Variants in PID1 observed in about 807,000 individuals in gnomAD.
The protein encoded by PID1 is phosphotyrosine interaction domain containing 1.
In PID1, 10 loss-of-function variants were observed where a neutral mutation model predicts 19.1. The ratio of observed to expected loss-of-function variants is 0.52; its 90% CI spans 0.32 to 0.89. The LOEUF is 0.89. Ranked by LOEUF, PID1 falls within the 40% of genes least tolerant of loss-of-function variation. PID1 has a pLI of 0.03. For synonymous variants in PID1, 130 were observed against 116.0 expected (o/e 1.12, Z -0.78); for missense variants, 248 against 285.3 (o/e 0.87, Z 0.94).
intron 2 of PID1, among the ~76,000 whole-genome samples, chr2:229,100,478 C>T (rs1462412189): frequency 2.6e-5 from 4 of 152,100 alleles, no homozygotes; most frequent in Admixed American, 6.5e-5. Context: ...AAAAACTGGG[C>T]TTCTTACCTA....
intron 1 of PID1, among the ~76,000 whole-genome samples, chr2:229,235,660 G>A (rs776464582): frequency 5.9e-5 from 9 of 152,122 alleles, no homozygotes; most frequent in African/African-American, 1.2e-4. Context: ...AAGTATTATC[G>A]TTGTTCTTGA....
chr2:229,049,266 A>T (rs562515402), intron 2 of PID1, among the ~76,000 whole-genome samples: 29 of 152,218 alleles, frequency 1.9e-4, no homozygotes, highest in African/African-American at 7.0e-4. Flanking sequence ...TAGTAAGATT[A>T]TATTTTTTTC....
At chr2:229,247,484 T>C (rs145960185) in intron 1 of PID1, among the ~76,000 whole-genome samples, 99 of 152,330 alleles carry the variant, frequency 6.5e-4, no homozygotes, top group African/African-American at 2.3e-3. Flanking sequence ...GCTGTAGGAC[T>C]AGCGCAAGTG....
chr2:229,166,294 G>T (rs1457338706), intron 1 of PID1, among the ~76,000 whole-genome samples: 3 of 146,796 alleles, frequency 2.0e-5, no homozygotes, highest in East Asian at 4.4e-4. Flanking sequence ...ATCAGTTGTT[G>T]CCTGGGGATA....
At chr2:229,114,643 G>T (rs950741006) in intron 2 of PID1, among the ~76,000 whole-genome samples, 7 of 152,078 alleles carry the variant, frequency 4.6e-5, no homozygotes, top group Non-Finnish European at 1.0e-4. Context: ...CGCATTGACT[G>T]TGACTCAGTT....
At chr2:229,042,520 G>A (rs145923647) in intron 2 of PID1, among the ~76,000 whole-genome samples, 1,651 of 152,246 alleles carry the variant, frequency 0.011, 20 homozygotes, top group African/African-American at 0.037. Context: ...CTATTTTAGT[G>A]ACATGTGACA....
At chr2:229,126,424 A>G (rs577220251) in intron 2 of PID1, among the ~76,000 whole-genome samples, 1 of 145,346 alleles carries the variant, frequency 6.9e-6, no homozygotes, top group Admixed American at 6.9e-5. Flanking sequence ...ATGGTCTGGC[A>G]AAAAAAAAAA....
chr2:229,154,588 A>G (rs1482468841), intron 2 of PID1, among the ~76,000 whole-genome samples: 1 of 152,152 alleles, frequency 6.6e-6, no homozygotes, highest in African/African-American at 2.4e-5. Context: ...ATGAATGTGG[A>G]TGAGGTTTTG....
intron 1 of PID1, among the ~76,000 whole-genome samples, chr2:229,198,330 C>T (rs1691421607): frequency 6.6e-6 from 1 of 152,020 alleles, no homozygotes; most frequent in African/African-American, 2.4e-5. Flanking sequence ...CCCTCAGAAG[C>T]AGTTGATACG....
At chr2:229,172,579 T>C (rs981400447) in intron 1 of PID1, among the ~76,000 whole-genome samples, 2 of 152,124 alleles carry the variant, frequency 1.3e-5, no homozygotes, top group Non-Finnish European at 2.9e-5. Context: ...CTTAATTTCC[T>C]TTTTTCTAAG....
chr2:229,100,377 C>G (rs1397960087), intron 2 of PID1, among the ~76,000 whole-genome samples: 1 of 152,084 alleles, frequency 6.6e-6, no homozygotes, highest in Non-Finnish European at 1.5e-5. Flanking sequence ...TTCTTTTTAT[C>G]ACATCAAACA....
chr2:229,065,755 T>C (rs1694313300), intron 2 of PID1, among the ~76,000 whole-genome samples: 1 of 143,880 alleles, frequency 7.0e-6, no homozygotes, highest in Non-Finnish European at 1.5e-5. Context: ...CAGAGATTTA[T>C]GTAAGGCATG....
chr2:229,029,894 C>A (rs1386612128), intron 2 of PID1, among the ~76,000 whole-genome samples: 1 of 151,104 alleles, frequency 6.6e-6, no homozygotes, highest in African/African-American at 2.4e-5. Flanking sequence ...TGTAGTTCCA[C>A]TTCTGGGTAT....
intron 1 of PID1, among the ~76,000 whole-genome samples, chr2:229,241,185 T>A (rs1039416295): frequency 6.6e-6 from 1 of 152,270 alleles, no homozygotes; most frequent in Admixed American, 6.5e-5. Context: ...CTGTGTCTTC[T>A]TAGGGTCTAT....
intron 1 of PID1, among the ~76,000 whole-genome samples, chr2:229,157,246 A>G (rs1389971804): frequency 1.3e-5 from 2 of 152,068 alleles, no homozygotes; most frequent in African/African-American, 4.8e-5. Context: ...CCTGGCCAAC[A>G]TGGTGAAACC....
intron 1 of PID1, among the ~76,000 whole-genome samples, chr2:229,248,702 T>C (rs1254342786): frequency 6.6e-6 from 1 of 152,238 alleles, no homozygotes; most frequent in African/African-American, 2.4e-5. Flanking sequence ...TTCTTATCTA[T>C]TTATTTGTTT....
At chr2:229,262,443 T>C (rs1690483447) in intron 1 of PID1, among the ~76,000 whole-genome samples, 1 of 152,198 alleles carries the variant, frequency 6.6e-6, no homozygotes, top group African/African-American at 2.4e-5. Flanking sequence ...TTTGCTGTTT[T>C]CATTTTTTTT....
chr2:229,088,550 A>G lies in PID1; in HGVS notation c.178-62442T>C, dbSNP rs77400247. On this transcript the variant is annotated intron_variant, in intron 2 of 2. Transcript: ENST00000392055. ...CCTAACAGAAACCAGACCTCTTCAC[A>G]ATAAGAAATACTCTTTTGTTCTCAA... Among the ~76,000 whole-genome samples, 1,166 of 152,310 alleles carry G rather than the reference A, an allele frequency of 7.7e-3. 14 individuals are homozygous for G. Among genetic ancestry groups the G allele is most frequent in the African/African-American group, 0.027 (1,116 of 41,570 alleles).
chr2:229,209,810 C>T (rs766566604), intron 1 of PID1, among the ~76,000 whole-genome samples: 1 of 152,080 alleles, frequency 6.6e-6, no homozygotes, highest in Non-Finnish European at 1.5e-5. Flanking sequence ...ATAGTCCCTC[C>T]ATGCCTACTC....
Sources: gnomAD v4.1 joint callset for allele counts (sites outside exome capture counted in the v4.1 genomes callset) on GRCh38, gnomAD v4.1.1 for gene constraint, MANE v1.5 for transcripts, NCBI Gene and HGNC (gene_info 2026-07-23, HGNC 2026-07-21) for gene names.